ASIC2: variants seen among roughly 807,000 people sequenced by gnomAD.
ASIC2 encodes the protein acid-sensing ion channel 2.
A neutral mutation model predicts 57.3 loss-of-function variants in ASIC2; 25 were observed. That is an observed-to-expected ratio of 0.44 (90% CI 0.32 to 0.61). The LOEUF is 0.61. Among genes scored for constraint, ASIC2 ranks in the 20% least tolerant of loss-of-function variants. The pLI is 0.06. For synonymous variants in ASIC2, 319 were observed against 307.5 expected, an observed-to-expected ratio of 1.04 and a Z score of -0.39; for missense variants, 641 against 738.1, an observed-to-expected ratio of 0.87 and a Z score of 1.52.
chr17:33,028,119 C>T (rs1023460045), intron 4 of ASIC2, 123 bp downstream of exon 4: 23 of 1,357,344 alleles, frequency 1.7e-5, no homozygotes, highest in Non-Finnish European at 2.2e-5. Context: ...ACAGAGTCTT[C>T]CCAGAACATC....
chr17:33,190,977 T>C (rs1228647920), intron 1 of ASIC2, among the ~76,000 whole-genome samples: 1 of 152,298 alleles, frequency 6.6e-6, no homozygotes, highest in South Asian at 2.1e-4. Flanking sequence ...TTGTTAAGTA[T>C]TTACCCAAGG....
intron 1 of ASIC2, among the ~76,000 whole-genome samples, chr17:33,912,137 CAAAAA>C (rs34408257): frequency 6.1e-5 from 3 of 49,418 alleles, no homozygotes; most frequent in Non-Finnish European, 6.9e-5. Context: ...GAGACTCCGT[CAAAAA>C]AAAAAAAAAA....
chr17:33,317,360 C>T (rs1228354587), intron 1 of ASIC2, among the ~76,000 whole-genome samples: 1 of 152,216 alleles, frequency 6.6e-6, no homozygotes, highest in Non-Finnish European at 1.5e-5. Flanking sequence ...TGCGAAACCT[C>T]TGCCTCCAGG....
chr17:33,219,805 G>A (rs117404390), intron 1 of ASIC2, among the ~76,000 whole-genome samples: 2 of 152,278 alleles, frequency 1.3e-5, no homozygotes, highest in Non-Finnish European at 1.5e-5. Flanking sequence ...AGAGAAAATC[G>A]TTGGCTCTGT....
At chr17:33,744,119 G>T (rs767386064) in intron 1 of ASIC2, among the ~76,000 whole-genome samples, 1 of 152,122 alleles carries the variant, frequency 6.6e-6, no homozygotes, top group African/African-American at 2.4e-5. Flanking sequence ...AAGCCTAAGG[G>T]TGTATTCAGA....
chr17:33,916,658 C>T (rs527786986), intron 1 of ASIC2, among the ~76,000 whole-genome samples: 1 of 152,220 alleles, frequency 6.6e-6, no homozygotes, highest in Admixed American at 6.5e-5. Flanking sequence ...CTGAGTATGA[C>T]CCAGTGCCTA....
In ASIC2 at chr17:33,170,361, G is replaced by C. The variant is rs187035575; in HGVS notation, c.709-58294C>G. ...TCTAAATTCCCTTCAAATAGGAAAT[G>C]ATCTCCCATTGTTGTTTTTAAAACA... On this transcript the variant is annotated intron_variant, in intron 1 of 9. Coordinates refer to ENST00000225823, the MANE Select transcript of ASIC2 (RefSeq NM_183377.2). 8.5e-5 allele frequency among the ~76,000 whole-genome samples: 13 copies of C among 152,272 alleles called. No homozygotes were observed. The East Asian group carries it at 2.5e-3, about 29-fold the overall frequency.
chr17:33,973,708 C>A (rs1035220605), intron 1 of ASIC2, among the ~76,000 whole-genome samples: 1 of 152,140 alleles, frequency 6.6e-6, no homozygotes, highest in Non-Finnish European at 1.5e-5. Context: ...TGCCATGGGA[C>A]ATAAGCCACA....
intron 1 of ASIC2, chr17:34,155,591 GCA>G (rs930683485): frequency 2.3e-4 from 46 of 203,952 alleles, no homozygotes; most frequent in South Asian, 4.8e-4. Context: ...ACACGCACAC[GCA>G]CACACACACA....
intron 1 of ASIC2, among the ~76,000 whole-genome samples, chr17:33,216,566 T>C (rs1303602079): frequency 6.6e-6 from 1 of 152,152 alleles, no homozygotes; most frequent in African/African-American, 2.4e-5. Flanking sequence ...TTGCAAAGAC[T>C]TGAAGGGGAG....
intron 1 of ASIC2, among the ~76,000 whole-genome samples, chr17:33,263,641 A>G (rs909463162): frequency 1.6e-5 from 2 of 126,324 alleles, no homozygotes; most frequent in Non-Finnish European, 3.3e-5. Flanking sequence ...TCTGGCCTTC[A>G]GTGAAGGCCA....
chr17:33,958,892 A>C (rs1265989569), intron 1 of ASIC2, among the ~76,000 whole-genome samples: 4 of 152,166 alleles, frequency 2.6e-5, no homozygotes, highest in Non-Finnish European at 2.9e-5. Flanking sequence ...TCACCTCTCC[A>C]GTGCTTTGCT....
At chr17:33,103,029 C>T (rs549152362) in intron 2 of ASIC2, among the ~76,000 whole-genome samples, 35 of 152,266 alleles carry the variant, frequency 2.3e-4, no homozygotes, top group African/African-American at 3.4e-4. Flanking sequence ...GTGATCCGCC[C>T]GCCTTGGCCT....
chr17:33,271,747 C>T (rs990411567), intron 1 of ASIC2, among the ~76,000 whole-genome samples: 2 of 152,212 alleles, frequency 1.3e-5, no homozygotes, highest in African/African-American at 4.8e-5. Flanking sequence ...ACTTGTCATC[C>T]AGCCTCCATT....
chr17:33,814,930 A>G (rs568589069), intron 1 of ASIC2, among the ~76,000 whole-genome samples: 1 of 152,182 alleles, frequency 6.6e-6, no homozygotes, highest in Non-Finnish European at 1.5e-5. Flanking sequence ...ATGTTTTATA[A>G]ATGTCAGTTG....
In ASIC2 at chr17:33,821,080, C is replaced by T. The variant is rs147405568; in HGVS notation, c.555+334898G>A. ...GCACTTTTTCTGATTTGTTTCCTTGCCTCTGTGTATGTATTTTCCGTGAGG... is the reference window on the plus strand; with the variant it reads ...GCACTTTTTCTGATTTGTTTCCTTGTCTCTGTGTATGTATTTTCCGTGAGG... On this transcript the variant is annotated intron_variant, in intron 1 of 9. Transcript: ENST00000359872. 1.6e-4 allele frequency among the ~76,000 whole-genome samples: 25 copies of T among 152,192 alleles called. No homozygotes were observed. The East Asian group carries it at 4.8e-3, about 29-fold the overall frequency.
chr17:33,439,852 C>T (rs1174308507), intron 1 of ASIC2, among the ~76,000 whole-genome samples: 4 of 152,212 alleles, frequency 2.6e-5, no homozygotes, highest in East Asian at 1.9e-4. Context: ...GCATCGGCTC[C>T]AGTCTGCCAG....
chr17:33,858,178 G>A (rs909809859), intron 1 of ASIC2, among the ~76,000 whole-genome samples: 4 of 152,136 alleles, frequency 2.6e-5, no homozygotes, highest in African/African-American at 4.8e-5. Flanking sequence ...TTTCTGCCTC[G>A]TCCTTAGGTC....
intron 3 of ASIC2, among the ~76,000 whole-genome samples, chr17:33,045,326 G>A (rs1028467416): frequency 1.3e-5 from 2 of 152,180 alleles, no homozygotes; most frequent in African/African-American, 4.8e-5. Flanking sequence ...GCATGCCGAC[G>A]CACCATTATA....
Sources: gnomAD v4.1 joint callset for allele counts (sites outside exome capture counted in the v4.1 genomes callset) on GRCh38, gnomAD v4.1.1 for gene constraint, MANE v1.5 for transcripts, NCBI Gene and HGNC (gene_info 2026-07-23, HGNC 2026-07-21) for gene names.